The following FAM53B variants were observed in gnomAD, a reference collection of about 807,000 sequenced individuals.
The protein encoded by FAM53B is protein FAM53B.
Under a neutral mutation model 32.7 loss-of-function variants are expected in FAM53B, and 12 were observed. That is an observed-to-expected ratio of 0.37 (90% CI 0.24 to 0.59). The LOEUF (loss-of-function observed/expected upper bound fraction) is 0.59, where lower values mean the gene tolerates loss of function less well. Among genes scored for constraint, FAM53B ranks in the 20% least tolerant of loss-of-function variants. FAM53B has a pLI of 0.72. For missense variants in FAM53B, 477 were observed against 577.7 expected (o/e 0.83, Z 1.79); for synonymous variants, 234 against 228.7 (o/e 1.02, Z -0.21).
intron 4 of FAM53B, among the ~76,000 whole-genome samples, chr10:124,678,364 T>A (rs2134066792): frequency 6.6e-6 from 1 of 152,330 alleles, no homozygotes; most frequent in Non-Finnish European, 1.5e-5. Context: ...TACACATATA[T>A]AAACACACAC....
rs770090950 is a variant in FAM53B, at chr10:124,651,009, C to T, written c.907-27405G>A. Among the ~76,000 whole-genome samples the T allele has an allele frequency of 5.3e-5, 8 of 152,086 alleles. No homozygotes were observed. In the East Asian group the frequency reaches 5.8e-4, roughly 11 times the overall value. On this transcript the variant is annotated intron_variant, in intron 4 of 4. Transcript: ENST00000337318. The surrounding 1 kb of genome is among the most constrained non-coding windows in gnomAD (Gnocchi z 5.2). ...AGGCTCCACGCATGTGAATTAGCCA[C>T]GCCAGACACTGGGAGCCCCCCAATC...
intron 3 of FAM53B, among the ~76,000 whole-genome samples, chr10:124,687,227 G>GA (rs1316971077): frequency 6.6e-6 from 1 of 152,182 alleles, no homozygotes; most frequent in Non-Finnish European, 1.5e-5. Flanking sequence ...GCTAGGCCCT[G>GA]ACGTCACACC....
At chr10:124,652,454 G>A (rs985199574) in intron 4 of FAM53B, among the ~76,000 whole-genome samples, 1 of 152,118 alleles carries the variant, frequency 6.6e-6, no homozygotes, top group Non-Finnish European at 1.5e-5. Flanking sequence ...AGAAGAAGGG[G>A]CCCGGCCCAC....
intron 4 of FAM53B, among the ~76,000 whole-genome samples, chr10:124,658,154 C>G (rs61870505): frequency 6.6e-6 from 1 of 152,220 alleles, no homozygotes; most frequent in Non-Finnish European, 1.5e-5. Flanking sequence ...GAGACAGGGG[C>G]AGCGAGCAAG....
intron 4 of FAM53B, among the ~76,000 whole-genome samples, chr10:124,654,836 G>A (rs112031940): frequency 0.025 from 3,806 of 152,300 alleles, 75 homozygotes; most frequent in Non-Finnish European, 0.041. Flanking sequence ...AGGAGGCCCC[G>A]GCGTGCCTCT....
At chr10:124,730,311 A>G (rs1316069647) in intron 1 of FAM53B, among the ~76,000 whole-genome samples, 1 of 152,212 alleles carries the variant, frequency 6.6e-6, no homozygotes, top group African/African-American at 2.4e-5. Flanking sequence ...GGCACTGGAC[A>G]TGGCAGAGTT....
chr10:124,641,043 C>A (rs956633701), intron 4 of FAM53B, among the ~76,000 whole-genome samples: 15 of 152,344 alleles, frequency 9.8e-5, no homozygotes, highest in East Asian at 3.9e-4. Context: ...AGGCTGAAAG[C>A]ACCCAGAAGA....
At chr10:124,638,389 C>T (rs1391688909) in intron 4 of FAM53B, among the ~76,000 whole-genome samples, 1 of 152,004 alleles carries the variant, frequency 6.6e-6, no homozygotes, top group African/African-American at 2.4e-5. Flanking sequence ...CAAAACAAAA[C>T]AAAACAAAAC....
intron 2 of FAM53B, chr10:124,704,172 T>A (rs988807080): frequency 6.6e-6 from 1 of 152,324 alleles, no homozygotes; most frequent in Non-Finnish European, 1.5e-5. Flanking sequence ...AGAGCTACTC[T>A]AGTCGCACCC....
intron 1 of FAM53B, among the ~76,000 whole-genome samples, chr10:124,734,788 C>T (rs1210243682): frequency 1.3e-5 from 2 of 152,192 alleles, no homozygotes; most frequent in African/African-American, 2.4e-5. Context: ...ATCCTGTTCA[C>T]CCCACAGGAT....
In FAM53B at chr10:124,622,027, G is replaced by A. The variant is rs1003709948; in HGVS notation, c.*1215C>T. On this transcript the variant is annotated 3_prime_UTR_variant, in exon 5 of 5. Transcript: ENST00000337318. Reference sequence around the variant, plus strand: ...CCTCAGGGGGCTAGGCTCCTCGGATGCCCCAGGGTGAGGAGCCAGGGTGGG... The same window carrying A: ...CCTCAGGGGGCTAGGCTCCTCGGATACCCCAGGGTGAGGAGCCAGGGTGGG... The A allele has an allele frequency of 6.6e-6, 1 of 152,410 alleles. No individual in the cohort carries two copies. Among genetic ancestry groups the A allele is most frequent in the Non-Finnish European group, 1.5e-5 (1 of 68,052 alleles). The allele number at this position is 152,410 out of a possible 1,614,324, so 9.4% of individuals were successfully genotyped here. A position where few individuals can be genotyped will look rare whatever the true frequency, so the allele number is the denominator to read the frequency against.
At chr10:124,721,609 G>T (rs897423140) in intron 1 of FAM53B, among the ~76,000 whole-genome samples, 1 of 152,272 alleles carries the variant, frequency 6.6e-6, no homozygotes, top group South Asian at 2.1e-4. Flanking sequence ...ACTTATGGGA[G>T]ACAGTAAAGG....
In FAM53B at chr10:124,630,363, G is replaced by A. The variant is rs944520479; in HGVS notation, c.907-6759C>T. Among the ~76,000 whole-genome samples the A allele has an allele frequency of 2.0e-4, 31 of 152,154 alleles. 1 individual carries two copies. Among genetic ancestry groups the A allele is most frequent in the Admixed American group, 1.4e-3 (22 of 15,274 alleles). On this transcript the variant is annotated intron_variant, in intron 4 of 4. Transcript: ENST00000337318. ...CAGGTGGCAGAGGTCGCAGTGAGCC[G>A]AGATTGCACCACTGTACTCCAGCCT...
intron 4 of FAM53B, among the ~76,000 whole-genome samples, chr10:124,657,912 C>T (rs1188281431): frequency 3.9e-5 from 6 of 152,240 alleles, no homozygotes; most frequent in Admixed American, 3.9e-4. Flanking sequence ...TGCAGCCAGC[C>T]TACTCCACAG....
chr10:124,642,688 AC>A (rs1334416640), intron 4 of FAM53B, among the ~76,000 whole-genome samples: 2 of 152,162 alleles, frequency 1.3e-5, no homozygotes, highest in African/African-American at 4.8e-5. Context: ...AAGCTTTCAG[AC>A]AGTGACTCCA....
Position 124,733,359 on chromosome 10 carries a change from C to T in FAM53B, c.-175+10654G>A, listed in dbSNP as rs1324161105. On this transcript the variant is annotated intron_variant, in intron 1 of 4. Transcript: ENST00000337318. This position sits in a 1 kb window ranked among gnomAD's most constrained non-coding sequence, Gnocchi z 4.3. ...GTGGAGGCCTCAGGCGCACTGGCCG[C>T]CAAGAGTCAGGTGACTCAGGCCCGC... Among the ~76,000 whole-genome samples the T allele has an allele frequency of 6.6e-6, 1 of 152,174 alleles. No homozygotes were observed. Among genetic ancestry groups the T allele is most frequent in the Admixed American group, 6.5e-5 (1 of 15,288 alleles).
chr10:124,709,373 C>A (rs1396914856), intron 1 of FAM53B, among the ~76,000 whole-genome samples: 1 of 152,306 alleles, frequency 6.6e-6, no homozygotes. Flanking sequence ...TAGCTCCATC[C>A]CCAGCAGAGT....
At chr10:124,660,552 C>A (rs1478798368) in intron 4 of FAM53B, among the ~76,000 whole-genome samples, 1 of 152,222 alleles carries the variant, frequency 6.6e-6, no homozygotes, top group Non-Finnish European at 1.5e-5. Context: ...CCTGGGGGGG[C>A]ATGGGAAGGG....
intron 4 of FAM53B, among the ~76,000 whole-genome samples, chr10:124,628,625 A>G (rs1327732795): frequency 6.6e-6 from 1 of 152,208 alleles, no homozygotes; most frequent in East Asian, 1.9e-4. Context: ...TCCCACCTGG[A>G]GTCCCAAACC....
Sources: allele counts gnomAD v4.1 joint callset (sites outside exome capture counted in the v4.1 genomes callset), GRCh38; gene constraint gnomAD v4.1.1; non-coding constraint Gnocchi (gnomAD v3.1); transcripts MANE v1.5; gene names NCBI Gene and HGNC (gene_info 2026-07-23, HGNC 2026-07-21).